Variants in SAMD12 observed in about 807,000 individuals in gnomAD.
The protein encoded by SAMD12 is sterile alpha motif domain containing 12.
SAMD12 carries 9 observed loss-of-function variants against 15.0 expected under a neutral mutation model. That is an observed-to-expected ratio of 0.60 (90% CI 0.36 to 1.05). The LOEUF (loss-of-function observed/expected upper bound fraction) is 1.05, where lower values mean the gene tolerates loss of function less well. Ranked by LOEUF, SAMD12 falls within the 50% of genes least tolerant of loss-of-function variation. SAMD12 has a pLI of 0.01. For synonymous variants in SAMD12, 86 were observed against 90.1 expected, an observed-to-expected ratio of 0.96 and a Z score of 0.25; for missense variants, 230 against 234.2, an observed-to-expected ratio of 0.98 and a Z score of 0.12.
intron 4 of SAMD12, among the ~76,000 whole-genome samples, chr8:118,361,792 T>C (rs1298386516): frequency 1.3e-5 from 2 of 152,198 alleles, no homozygotes; most frequent in Non-Finnish European, 2.9e-5. Flanking sequence ...ATAGTACTTA[T>C]ACAGGGTGGA....
intron 2 of SAMD12, among the ~76,000 whole-genome samples, chr8:118,552,053 A>G (rs58257360): frequency 0.11 from 17,336 of 151,648 alleles, 1,418 homozygotes; most frequent in African/African-American, 0.23. Context: ...CCAACCAAAA[A>G]GAGTCCAGGA....
chr8:118,536,719 G>T (rs936867443), intron 2 of SAMD12, among the ~76,000 whole-genome samples: 4 of 151,960 alleles, frequency 2.6e-5, no homozygotes, highest in African/African-American at 9.7e-5. Flanking sequence ...TACTTATATC[G>T]TATTGTACTA....
chr8:118,553,553 A>T (rs1474472326), intron 2 of SAMD12, among the ~76,000 whole-genome samples: 1 of 151,738 alleles, frequency 6.6e-6, no homozygotes, highest in African/African-American at 2.4e-5. Flanking sequence ...AAAGACTTAA[A>T]CATTAGACCT....
intron 4 of SAMD12, among the ~76,000 whole-genome samples, chr8:118,237,820 GT>G (rs1812469794): frequency 6.6e-6 from 1 of 152,122 alleles, no homozygotes. Flanking sequence ...TCTTGGCACT[GT>G]TTTCTGCTGT....
intron 2 of SAMD12, among the ~76,000 whole-genome samples, chr8:118,573,274 C>T (rs1255917909): frequency 2.0e-5 from 3 of 152,088 alleles, no homozygotes; most frequent in East Asian, 1.9e-4. Context: ...TTAGTAGAGA[C>T]AGGGTTTCAC....
chr8:118,314,951 AAAG>A, intron 4 of SAMD12, among the ~76,000 whole-genome samples: 1 of 152,360 alleles, frequency 6.6e-6, no homozygotes. Flanking sequence ...TTTTTAAAGA[AAAG>A]AAACTTCTTA....
At chr8:118,459,387 A>G (rs1823350650) in intron 2 of SAMD12, among the ~76,000 whole-genome samples, 1 of 116,806 alleles carries the variant, frequency 8.6e-6, no homozygotes, top group South Asian at 2.3e-4. Context: ...TTTCTAATCT[A>G]TCACATTAAC....
intron 2 of SAMD12, among the ~76,000 whole-genome samples, chr8:118,485,484 T>C (rs544102023): frequency 6.6e-6 from 1 of 152,340 alleles, no homozygotes; most frequent in South Asian, 2.1e-4. Flanking sequence ...TGAAAGTTCT[T>C]GATAGAGATT....
chr8:118,269,658 G>C (rs953716457), intron 4 of SAMD12, among the ~76,000 whole-genome samples: 1 of 152,124 alleles, frequency 6.6e-6, no homozygotes, highest in Non-Finnish European at 1.5e-5. Context: ...ATATGGACAA[G>C]GATGCAATGA....
intron 2 of SAMD12, among the ~76,000 whole-genome samples, chr8:118,515,079 C>T (rs1192350018): frequency 6.6e-6 from 1 of 151,808 alleles, no homozygotes; most frequent in Non-Finnish European, 1.5e-5. Context: ...AGTGCGGTGG[C>T]GTGATCTCGG....
Position 118,434,966 on chromosome 8 carries a change from A to G in SAMD12, c.322+4866T>C, listed in dbSNP as rs1047595392. 9.7e-5 allele frequency among the ~76,000 whole-genome samples: 8 copies of G among 82,686 alleles called. 2 individuals are homozygous for G. The highest frequency in any genetic ancestry group is 2.9e-4 in the Admixed American group (2 of 6,820). 54.2% of individuals were successfully genotyped at this position (82,686 alleles called of 152,430 possible). On this transcript the variant is annotated intron_variant, in intron 3 of 3. Transcript: ENST00000314727. Reference sequence around the variant, plus strand: ...AAAATACAAAAAATTAGCCGGGCGTAGTGGCGGGCGCCTGTAGTCCCAGCT... The same window carrying G: ...AAAATACAAAAAATTAGCCGGGCGTGGTGGCGGGCGCCTGTAGTCCCAGCT...
At chr8:118,155,862 G>T in the SAMD12 span, among the ~76,000 whole-genome samples, 9 of 152,052 alleles carry the variant, frequency 5.9e-5, no homozygotes, top group African/African-American at 2.2e-4. Flanking sequence ...TTTTTATTCT[G>T]GTTTTATATT....
rs553617915 is a variant in SAMD12, at chr8:118,266,754, G to T, written c.434-69022C>A. 5.3e-5 allele frequency among the ~76,000 whole-genome samples: 8 copies of T among 152,166 alleles called. No individual in the cohort carries two copies. In the East Asian group the frequency reaches 1.6e-3, roughly 29 times the overall value. ...AGCCACAGAAAGATAAATACTGCAT[G>T]ATCTCTCTTATTTGTGGAATTAAAA... On this transcript the variant is annotated intron_variant, in intron 4 of 4. Transcript: ENST00000409003.
chr8:118,222,896 A>G (rs529553023), intron 4 of SAMD12, among the ~76,000 whole-genome samples: 53 of 152,318 alleles, frequency 3.5e-4, no homozygotes, highest in African/African-American at 1.2e-3. Flanking sequence ...CCCTCAGCAG[A>G]GCATGGGACA....
intron 2 of SAMD12, among the ~76,000 whole-genome samples, chr8:118,474,842 G>A (rs748814523): frequency 2.6e-5 from 4 of 152,136 alleles, no homozygotes; most frequent in African/African-American, 7.2e-5. Flanking sequence ...ACTAGTGGGA[G>A]GTATTTAGGT....
At chr8:118,260,850 G>T (rs536453366) in intron 4 of SAMD12, among the ~76,000 whole-genome samples, 1 of 152,190 alleles carries the variant, frequency 6.6e-6, no homozygotes, top group East Asian at 1.9e-4. Context: ...GCTCCCCGCT[G>T]TTATGACCCC....
At chr8:118,290,316 A>G (rs1228618397) in intron 4 of SAMD12, among the ~76,000 whole-genome samples, 1 of 152,202 alleles carries the variant, frequency 6.6e-6, no homozygotes, top group Non-Finnish European at 1.5e-5. Flanking sequence ...GTAGCAGTGT[A>G]GTTAAACAAA....
At chr8:118,550,416 T>C (rs1411442085) in intron 2 of SAMD12, among the ~76,000 whole-genome samples, 1 of 152,112 alleles carries the variant, frequency 6.6e-6, no homozygotes, top group Non-Finnish European at 1.5e-5. Flanking sequence ...GAATTTCATA[T>C]CCAGCCAAAT....
chr8:118,289,319 G>A (rs1341449562), intron 4 of SAMD12, among the ~76,000 whole-genome samples: 1 of 152,102 alleles, frequency 6.6e-6, no homozygotes, highest in Non-Finnish European at 1.5e-5. Context: ...ATCTGCCTCT[G>A]CTCTTTTCCT....
Sources: gnomAD v4.1 joint callset for allele counts (sites outside exome capture counted in the v4.1 genomes callset) on GRCh38, gnomAD v4.1.1 for gene constraint, MANE v1.5 for transcripts, NCBI Gene and HGNC (gene_info 2026-07-23, HGNC 2026-07-21) for gene names.